Variants in DCC observed in about 807,000 individuals in gnomAD.
DCC encodes netrin receptor DCC.
A neutral mutation model predicts 172.5 loss-of-function variants in DCC; 58 were observed. The ratio of observed to expected loss-of-function variants is 0.34; its 90% CI spans 0.27 to 0.42. The LOEUF is 0.42. DCC is among the 10% of genes least tolerant of loss of function. DCC has a pLI of 1.00. For synonymous variants in DCC, 709 were observed against 644.5 expected, an observed-to-expected ratio of 1.10 and a Z score of -1.52; for missense variants, 1,740 against 1,791.0, an observed-to-expected ratio of 0.97 and a Z score of 0.51.
At chr18:52,967,094 C>T (rs2040945387) in intron 5 of DCC, among the ~76,000 whole-genome samples, 1 of 152,114 alleles carries the variant, frequency 6.6e-6, no homozygotes, top group Non-Finnish European at 1.5e-5. Flanking sequence ...GACACATTTC[C>T]TTTTCCCAGT....
intron 5 of DCC, among the ~76,000 whole-genome samples, chr18:53,018,490 A>G (rs1170268794): frequency 6.6e-6 from 1 of 152,140 alleles, no homozygotes; most frequent in Admixed American, 6.5e-5. Flanking sequence ...CCTACTAACT[A>G]TACTTTTGAT....
chr18:52,531,553 C>T (rs1347254897), intron 1 of DCC, among the ~76,000 whole-genome samples: 5 of 152,184 alleles, frequency 3.3e-5, no homozygotes, highest in Non-Finnish European at 7.4e-5. Context: ...CTATTTCATA[C>T]TATCTTCCTT....
chr18:52,772,546 A>G (rs1325167559), intron 2 of DCC, among the ~76,000 whole-genome samples: 1 of 152,202 alleles, frequency 6.6e-6, no homozygotes, highest in Non-Finnish European at 1.5e-5. Flanking sequence ...GGGAGGTCTA[A>G]TAATACTGTG....
chr18:52,580,576 T>C (rs139779414), intron 1 of DCC, among the ~76,000 whole-genome samples: 1 of 152,176 alleles, frequency 6.6e-6, no homozygotes, highest in Non-Finnish European at 1.5e-5. Context: ...ACAGACAAAT[T>C]ATTTTTTGCT....
At chr18:53,408,459 C>A (rs1298554448) in intron 19 of DCC, among the ~76,000 whole-genome samples, 2 of 152,170 alleles carry the variant, frequency 1.3e-5, no homozygotes, top group Non-Finnish European at 2.9e-5. Context: ...ATTGGGCAGA[C>A]GTCTTCATCA....
At chr18:52,621,096 G>A (rs528874483) in intron 1 of DCC, among the ~76,000 whole-genome samples, 2 of 152,298 alleles carry the variant, frequency 1.3e-5, no homozygotes, top group East Asian at 1.9e-4. Flanking sequence ...AAATTTATAG[G>A]GCATGGCTGC....
At chr18:52,395,161 C>A (rs1365378415) in intron 1 of DCC, among the ~76,000 whole-genome samples, 1 of 151,992 alleles carries the variant, frequency 6.6e-6, no homozygotes, top group Non-Finnish European at 1.5e-5. Flanking sequence ...AGAGGACTAA[C>A]ACCACAATTA....
At chr18:52,923,597 G>T (rs1376260430) in intron 3 of DCC, 110 bp from the exon 4 acceptor site, 21 of 845,096 alleles carry the variant, frequency 2.5e-5, no homozygotes, top group African/African-American at 5.1e-5. Context: ...AATTTCATTG[G>T]CATCTTTTCA....
intron 1 of DCC, among the ~76,000 whole-genome samples, chr18:52,446,143 G>C (rs1988116085): frequency 6.6e-6 from 1 of 151,982 alleles, no homozygotes. Flanking sequence ...CCGTGGTCTC[G>C]ATCTGCTGAC....
intron 7 of DCC, among the ~76,000 whole-genome samples, chr18:53,088,450 G>A (rs1007929437): frequency 6.6e-6 from 1 of 152,100 alleles, no homozygotes; most frequent in Non-Finnish European, 1.5e-5. Context: ...TTCACATTGA[G>A]TTTGTATCCT....
chr18:53,110,876 T>C (rs1034049298), intron 7 of DCC, among the ~76,000 whole-genome samples: 1 of 124,104 alleles, frequency 8.1e-6, no homozygotes, highest in Non-Finnish European at 1.7e-5. Flanking sequence ...AAATACCATT[T>C]GACCCAGCCA....
intron 1 of DCC, among the ~76,000 whole-genome samples, chr18:52,433,198 G>A (rs749999667): frequency 2.6e-5 from 4 of 152,122 alleles, no homozygotes; most frequent in South Asian, 4.1e-4. Flanking sequence ...GTTAATTTGC[G>A]ATCAGTAATA....
At chr18:52,632,285 C>G (rs962926059) in intron 1 of DCC, among the ~76,000 whole-genome samples, 1 of 152,072 alleles carries the variant, frequency 6.6e-6, no homozygotes, top group Non-Finnish European at 1.5e-5. Context: ...GAAATAGGGA[C>G]TATGTCAATT....
At chr18:52,956,132 C>CA (rs1417052482) in intron 5 of DCC, among the ~76,000 whole-genome samples, 1 of 151,690 alleles carries the variant, frequency 6.6e-6, no homozygotes, top group Non-Finnish European at 1.5e-5. Flanking sequence ...TCTAAAAAAT[C>CA]AAAAAAACCT....
intron 5 of DCC, among the ~76,000 whole-genome samples, chr18:52,933,844 C>T (rs1436486517): frequency 2.0e-5 from 3 of 151,944 alleles, no homozygotes; most frequent in Non-Finnish European, 4.4e-5. Context: ...GTACATCGCA[C>T]CTATTAAGTA....
chr18:53,378,113 C>T (rs1907440100), intron 15 of DCC, among the ~76,000 whole-genome samples: 1 of 152,052 alleles, frequency 6.6e-6, no homozygotes, highest in Non-Finnish European at 1.5e-5. Flanking sequence ...AGGCACGTGC[C>T]TCCTTACCCA....
At position 52,340,720 on chromosome 18, in the gene DCC, G is replaced by T; in HGVS notation, c.-68G>T. 1.8e-6 allele frequency: 2 copies of T among 1,092,116 alleles called. No homozygotes were observed. Among genetic ancestry groups the T allele is most frequent in the Non-Finnish European group, 2.8e-6 (2 of 704,090 alleles). 67.7% of individuals were successfully genotyped at this position (1,092,116 alleles called of 1,614,324 possible). On this transcript the variant is annotated 5_prime_UTR_variant, in exon 1 of 29. Transcript: ENST00000442544. ...CGTGTGTGTGCATGTGTGCATGCGT[G>T]TGTGAGTGCATGTGTGTGAGTGCTG...
chr18:53,459,266 G>C lies in DCC; in HGVS notation c.3427G>C (p.Gly1143Arg). The C allele has an allele frequency of 1.2e-6, 2 of 1,614,068 alleles. No homozygotes were observed. Among genetic ancestry groups the C allele is most frequent in the South Asian group, 1.1e-5 (1 of 91,082 alleles). The change falls in exon 24 of 29, where the codon GGC becomes CGC. Residue 1143 changes from glycine (G) to arginine (R), a missense_variant. This residue lies in a region of DCC where 1,732 missense variants were observed against 1,767.4 expected (regional missense o/e 0.98). Transcript: ENST00000442544. ...RATHSAGKRK[G>R]SQKDLRPPDL... ...CACCCACAGTGCTGGCAAAAGGAAG[G>C]GCAGCCAGAAGGACCTCCGACCCCC...
In DCC at chr18:53,397,179, C is replaced by T. The variant is rs1025842998; in HGVS notation, c.2689-129C>T. ...GATGGGAATTCGAGTCAGTGCTATG[C>T]TCTACTCCTCTGCTGTTTGGGAGTA... On this transcript the variant is annotated intron_variant, in intron 17 of 28. Coordinates refer to ENST00000442544, the MANE Select transcript of DCC (RefSeq NM_005215.4). 1.1e-5 allele frequency: 9 copies of T among 810,412 alleles called. No individual in the cohort carries two copies. The Admixed American group carries it at 1.6e-4, about 14-fold the overall frequency. 50.2% of individuals were successfully genotyped at this position (810,412 alleles called of 1,614,324 possible).
Sources: allele counts gnomAD v4.1 joint callset (sites outside exome capture counted in the v4.1 genomes callset), GRCh38; gene constraint gnomAD v4.1.1; regional missense constraint gnomAD v4.1.1; transcripts MANE v1.5; gene names NCBI Gene and HGNC (gene_info 2026-07-23, HGNC 2026-07-21).